The following SLC35F4 variants were observed in gnomAD, a reference collection of about 807,000 sequenced individuals.
SLC35F4 encodes chromosome 14 open reading frame 36.
In SLC35F4, 24 loss-of-function variants were observed where a neutral mutation model predicts 44.2. The ratio of observed to expected loss-of-function variants is 0.54; its 90% CI spans 0.39 to 0.76. The LOEUF is 0.76. Among genes scored for constraint, SLC35F4 ranks in the 30% least tolerant of loss-of-function variants. The pLI is 0.00. For synonymous variants in SLC35F4, 238 were observed against 223.6 expected, an observed-to-expected ratio of 1.06 and a Z score of -0.57; for missense variants, 562 against 586.1, an observed-to-expected ratio of 0.96 and a Z score of 0.42.
chr14:57,836,025 A>T (rs1354265887), intron 1 of SLC35F4, among the ~76,000 whole-genome samples: 1 of 152,222 alleles, frequency 6.6e-6, no homozygotes, highest in Non-Finnish European at 1.5e-5. Flanking sequence ...GCACACTAGG[A>T]ACTACCGGTG....
intron 1 of SLC35F4, among the ~76,000 whole-genome samples, chr14:57,953,065 G>A (rs1890169643): frequency 6.6e-6 from 1 of 152,184 alleles, no homozygotes; most frequent in African/African-American, 2.4e-5. Flanking sequence ...AGAAAGGGAA[G>A]CTCATCAGAC....
chr14:57,949,130 A>G (rs1015086268), intron 1 of SLC35F4, among the ~76,000 whole-genome samples: 2 of 152,130 alleles, frequency 1.3e-5, no homozygotes, highest in African/African-American at 4.8e-5. Flanking sequence ...TGAGATATTG[A>G]AATCCCCTAC....
chr14:57,615,486 C>T (rs1339545228), intron 1 of SLC35F4, among the ~76,000 whole-genome samples: 3 of 150,798 alleles, frequency 2.0e-5, no homozygotes, highest in African/African-American at 7.3e-5. Flanking sequence ...TGCCAAAGGA[C>T]ATAGTTTTAA....
chr14:57,649,689 T>C (rs1416439721), intron 1 of SLC35F4, among the ~76,000 whole-genome samples: 2 of 152,190 alleles, frequency 1.3e-5, no homozygotes, highest in Non-Finnish European at 2.9e-5. Context: ...ATATCTATTT[T>C]TCTCCACTGT....
chr14:57,809,908 T>A (rs925182546), intron 1 of SLC35F4, among the ~76,000 whole-genome samples: 2 of 152,250 alleles, frequency 1.3e-5, no homozygotes, highest in Non-Finnish European at 2.9e-5. Flanking sequence ...GCACATTGAA[T>A]AAGCAGGACT....
chr14:57,860,761 CCTACCTTTCCAGCTAACTTCCA>C (rs926694574), intron 1 of SLC35F4, among the ~76,000 whole-genome samples: 2 of 152,180 alleles, frequency 1.3e-5, no homozygotes, highest in Non-Finnish European at 2.9e-5. Flanking sequence ...ACCACCACCT[CCTACCTTTCCAGCTAACTTCCA>C]CTAGTCTTTG....
chr14:57,611,355 G>A (rs186128481), intron 1 of SLC35F4, among the ~76,000 whole-genome samples: 3 of 152,286 alleles, frequency 2.0e-5, no homozygotes, highest in African/African-American at 7.2e-5. Context: ...GTCATATGAA[G>A]TTGGGTGTAT....
At chr14:57,680,339 A>T (rs1190692187) in intron 1 of SLC35F4, among the ~76,000 whole-genome samples, 1 of 152,100 alleles carries the variant, frequency 6.6e-6, no homozygotes, top group Admixed American at 6.5e-5. Flanking sequence ...CATGCTAAAA[A>T]CTTTCAATAA....
chr14:57,900,580 G>A (rs1019686762), intron 1 of SLC35F4, among the ~76,000 whole-genome samples: 4 of 152,164 alleles, frequency 2.6e-5, no homozygotes, highest in African/African-American at 7.2e-5. Context: ...CTTCACATTG[G>A]TTTAAAAGAT....
upstream of SLC35F4, among the ~76,000 whole-genome samples, chr14:57,982,838 G>C (rs888702121): frequency 5.9e-5 from 9 of 152,074 alleles, no homozygotes; most frequent in East Asian, 1.9e-4. Flanking sequence ...ACCACATTGA[G>C]TACCACCCCA....
Position 57,650,330 on chromosome 14 carries a change from T to C in SLC35F4, c.104-56206A>G, listed in dbSNP as rs189055301. On this transcript the variant is annotated intron_variant, in intron 1 of 7. Coordinates refer to ENST00000556826, the MANE Select transcript of SLC35F4 (RefSeq NM_001306087.2). ...TTTAATATTATCCCAAACTTAAAAA[T>C]GTTTCAAGCAGAAATTGTTATTTTC... is the stretch of plus-strand genomic sequence containing the variant. Among the ~76,000 whole-genome samples, 3 of 152,216 alleles carry C rather than the reference T, an allele frequency of 2.0e-5. No individual in the cohort carries two copies. The East Asian group carries it at 5.8e-4, about 29-fold the overall frequency.
At chr14:57,967,916 G>C (rs1262103398) in intron 1 of SLC35F4, among the ~76,000 whole-genome samples, 1 of 152,088 alleles carries the variant, frequency 6.6e-6, no homozygotes, top group Non-Finnish European at 1.5e-5. Flanking sequence ...TTAAATTTTG[G>C]TGATCATAAA....
At chr14:57,753,801 T>C (rs578109311) in intron 1 of SLC35F4, among the ~76,000 whole-genome samples, 2 of 152,216 alleles carry the variant, frequency 1.3e-5, no homozygotes, top group African/African-American at 4.8e-5. Flanking sequence ...AGCTCCTATT[T>C]TCCATAAACA....
intron 1 of SLC35F4, among the ~76,000 whole-genome samples, chr14:57,890,054 C>G (rs894210250): frequency 6.6e-6 from 1 of 152,188 alleles, no homozygotes; most frequent in East Asian, 1.9e-4. Flanking sequence ...CTTCTCTACC[C>G]CCACTGATAT....
intron 1 of SLC35F4, among the ~76,000 whole-genome samples, chr14:57,863,008 T>G (rs1887809343): frequency 2.7e-5 from 4 of 150,886 alleles, no homozygotes. Context: ...AACCACACTA[T>G]GCATTAATCA....
At chr14:57,902,291 C>T (rs1018826110) in intron 1 of SLC35F4, among the ~76,000 whole-genome samples, 8 of 152,044 alleles carry the variant, frequency 5.3e-5, no homozygotes, top group South Asian at 2.1e-4. Flanking sequence ...TGGCTGGGCG[C>T]GGTGGCTCAC....
chr14:57,759,133 G>A (rs1191582804), intron 1 of SLC35F4, among the ~76,000 whole-genome samples: 1 of 152,098 alleles, frequency 6.6e-6, no homozygotes, highest in African/African-American at 2.4e-5. Context: ...TTCATCTACT[G>A]ATGGACATTT....
At chr14:57,859,676 T>G (rs1887514860) in intron 1 of SLC35F4, among the ~76,000 whole-genome samples, 1 of 152,114 alleles carries the variant, frequency 6.6e-6, no homozygotes, top group African/African-American at 2.4e-5. Flanking sequence ...AAGGTGCGTA[T>G]GCTGGATTGG....
At chr14:57,975,021 C>A (rs1205722582), downstream of SLC35F4, among the ~76,000 whole-genome samples, 1 of 152,188 alleles carries the variant, frequency 6.6e-6, no homozygotes, top group African/African-American at 2.4e-5. Context: ...AGCAGTAATT[C>A]ATTCAAGATT....
Sources: gnomAD v4.1 joint callset for allele counts (sites outside exome capture counted in the v4.1 genomes callset) on GRCh38, gnomAD v4.1.1 for gene constraint, MANE v1.5 for transcripts, NCBI Gene and HGNC (gene_info 2026-07-23, HGNC 2026-07-21) for gene names.